Variants in MCC observed in about 807,000 individuals in gnomAD.
MCC encodes colorectal mutant cancer protein.
Under a neutral mutation model 116.2 loss-of-function variants are expected in MCC, and 90 were observed. The ratio of observed to expected loss-of-function variants is 0.77; its 90% confidence interval spans 0.65 to 0.92. The LOEUF (loss-of-function observed/expected upper bound fraction) is 0.92. MCC is among the 40% of genes least tolerant of loss of function. The pLI, the probability that MCC is intolerant of heterozygous loss-of-function variation, is 0.00. For synonymous variants in MCC, 578 were observed against 510.5 expected (o/e 1.13, Z -1.78); for missense variants, 1,516 against 1,312.2 (o/e 1.16, Z -2.40).
At chr5:113,180,310 C>T (rs541050870) in intron 3 of MCC, among the ~76,000 whole-genome samples, 1 of 152,214 alleles carries the variant, frequency 6.6e-6, no homozygotes, top group Non-Finnish European at 1.5e-5. Flanking sequence ...CATTTCAAGA[C>T]TTCAGTACAG....
At chr5:113,218,416 C>T (rs570326701) in intron 3 of MCC, among the ~76,000 whole-genome samples, 13 of 152,196 alleles carry the variant, frequency 8.5e-5, no homozygotes, top group East Asian at 3.9e-4. Flanking sequence ...TGAGTGCCTC[C>T]GCTTTCTCCT....
chr5:113,133,716 C>A (rs1366004434), intron 5 of MCC, among the ~76,000 whole-genome samples: 2 of 152,152 alleles, frequency 1.3e-5, no homozygotes, highest in African/African-American at 4.8e-5. Context: ...TCTTACATAG[C>A]AGTTGTAGTA....
At position 113,480,759 on chromosome 5, in the gene MCC, T is replaced by C. The variant is rs562030544; in HGVS notation, c.170+7486A>G. On this transcript the variant is annotated intron_variant, in intron 1 of 18. Transcript: ENST00000408903. ...AAATCAAAAGGTGATTTGGAAGATT[T>C]GGATTTCATTATTTTTATTTATTTT... 2.0e-5 allele frequency among the ~76,000 whole-genome samples: 3 copies of C among 152,266 alleles called. No individual in the cohort carries two copies. In the South Asian group the frequency reaches 6.2e-4, roughly 32 times the overall value.
chr5:113,116,101 G>A (rs1757377782), intron 6 of MCC, among the ~76,000 whole-genome samples: 1 of 152,028 alleles, frequency 6.6e-6, no homozygotes, highest in Admixed American at 6.5e-5. Flanking sequence ...GGTCACCTGC[G>A]GCAGCTCCAG....
At chr5:113,191,685 G>T (rs1356204814) in intron 3 of MCC, among the ~76,000 whole-genome samples, 1 of 152,204 alleles carries the variant, frequency 6.6e-6, no homozygotes, top group Non-Finnish European at 1.5e-5. Context: ...TGGGCGACTT[G>T]ATTTTTAAGA....
intron 15 of MCC, 77 bp from the exon 16 acceptor site, chr5:113,049,376 T>A: frequency 7.8e-7 from 1 of 1,286,456 alleles, no homozygotes; most frequent in Non-Finnish European, 1.1e-6. Context: ...AGTGGGTGGG[T>A]GGGGGGTCCC....
chr5:113,283,598 A>C (rs796994178), intron 3 of MCC, among the ~76,000 whole-genome samples: 6 of 152,158 alleles, frequency 3.9e-5, no homozygotes, highest in African/African-American at 1.4e-4. Flanking sequence ...TTGACCAATC[A>C]CTCCCTGTCA....
intron 1 of MCC, among the ~76,000 whole-genome samples, chr5:113,448,711 A>AT (rs1489711850): frequency 4.6e-5 from 7 of 152,030 alleles, no homozygotes; most frequent in Non-Finnish European, 8.8e-5. Flanking sequence ...CTTCTCTAAT[A>AT]TTTTTTCCCG....
chr5:113,159,206 T>G (rs576936219), intron 3 of MCC, among the ~76,000 whole-genome samples: 4 of 152,268 alleles, frequency 2.6e-5, no homozygotes, highest in Non-Finnish European at 5.9e-5. Flanking sequence ...TCTTCTGGTT[T>G]TAAACTTGTA....
intron 3 of MCC, among the ~76,000 whole-genome samples, chr5:113,280,635 G>A (rs1766007648): frequency 6.6e-6 from 1 of 152,144 alleles, no homozygotes; most frequent in Admixed American, 6.5e-5. Flanking sequence ...ATGAGTTGGT[G>A]TCACCAGATG....
intron 3 of MCC, among the ~76,000 whole-genome samples, chr5:113,236,005 G>A (rs1214491424): frequency 6.6e-6 from 1 of 152,148 alleles, no homozygotes; most frequent in Non-Finnish European, 1.5e-5. Flanking sequence ...CCATTTCCTT[G>A]GTCTTCTAAC....
chr5:113,446,484 C>T (rs1215496236), intron 1 of MCC, among the ~76,000 whole-genome samples: 4 of 152,106 alleles, frequency 2.6e-5, no homozygotes, highest in Non-Finnish European at 5.9e-5. Flanking sequence ...GGCTGATAAA[C>T]ATGAAAAAAC....
At chr5:113,289,060 C>T (rs765452201) in intron 3 of MCC, among the ~76,000 whole-genome samples, 20 of 151,978 alleles carry the variant, frequency 1.3e-4, no homozygotes, top group Non-Finnish European at 2.6e-4. Flanking sequence ...AAGGTAGGTG[C>T]GGTGGTTCAC....
At chr5:113,149,163 G>T (rs928921451) in intron 4 of MCC, among the ~76,000 whole-genome samples, 1 of 151,674 alleles carries the variant, frequency 6.6e-6, no homozygotes. Flanking sequence ...GGCTGGCTTT[G>T]GGTGGGTATA....
chr5:113,046,340 C>T (rs911541099), intron 16 of MCC, among the ~76,000 whole-genome samples: 3 of 152,004 alleles, frequency 2.0e-5, no homozygotes, highest in East Asian at 3.9e-4. Context: ...TTACAGGCGC[C>T]ACCACCATGC....
chr5:113,340,054 T>G (rs1767972320), intron 3 of MCC, among the ~76,000 whole-genome samples: 1 of 152,236 alleles, frequency 6.6e-6, no homozygotes, highest in Non-Finnish European at 1.5e-5. Context: ...TTACACATAA[T>G]GGCCTTCTAA....
intron 5 of MCC, among the ~76,000 whole-genome samples, chr5:113,141,047 T>A (rs185388064): frequency 6.6e-6 from 1 of 152,252 alleles, no homozygotes; most frequent in African/African-American, 2.4e-5. Flanking sequence ...CCACCCTTAG[T>A]GTGTGTGGGC....
chr5:113,113,397 G>A (rs1757210506), intron 6 of MCC, among the ~76,000 whole-genome samples: 1 of 152,076 alleles, frequency 6.6e-6, no homozygotes, highest in Admixed American at 6.6e-5. Context: ...TTAGAAAACA[G>A]AATAGTCAAC....
intron 2 of MCC, among the ~76,000 whole-genome samples, chr5:113,368,844 C>T (rs1768767427): frequency 6.6e-6 from 1 of 152,190 alleles, no homozygotes; most frequent in East Asian, 1.9e-4. Flanking sequence ...CACCCTGCCA[C>T]CCTGCCTTAG....
Sources: gnomAD v4.1 joint callset for allele counts (sites outside exome capture counted in the v4.1 genomes callset) on GRCh38, gnomAD v4.1.1 for gene constraint, MANE v1.5 for transcripts, NCBI Gene and HGNC (gene_info 2026-07-23, HGNC 2026-07-21) for gene names.